The following DCC variants were observed in gnomAD, a reference collection of about 807,000 sequenced individuals.
DCC encodes DCC netrin 1 receptor.
Under a neutral mutation model 172.5 loss-of-function variants are expected in DCC, and 58 were observed. The observed-to-expected ratio is 0.34, with a 90% CI of 0.27 to 0.42. The LOEUF (loss-of-function observed/expected upper bound fraction) is 0.42, where lower values mean the gene tolerates loss of function less well. Among genes scored for constraint, DCC ranks in the 10% least tolerant of loss-of-function variants. The pLI is 1.00. For missense variants in DCC, 1,740 were observed against 1,791.0 expected, an observed-to-expected ratio of 0.97 and a Z score of 0.51; for synonymous variants, 709 against 644.5, an observed-to-expected ratio of 1.10 and a Z score of -1.52.
At chr18:52,409,213 T>C (rs573243768) in intron 1 of DCC, 7 of 152,256 alleles carry the variant, frequency 4.6e-5, no homozygotes, top group African/African-American at 1.2e-4. Flanking sequence ...AGGATATCAC[T>C]ACGTAAGAGC....
chr18:52,907,365 TATATATC>T (rs1314777364), intron 3 of DCC, among the ~76,000 whole-genome samples: 1 of 151,058 alleles, frequency 6.6e-6, no homozygotes, highest in Non-Finnish European at 1.5e-5. Context: ...ATATGAATGA[TATATATC>T]ATATATGCAT....
intron 1 of DCC, among the ~76,000 whole-genome samples, chr18:52,495,742 T>A (rs954525233): frequency 2.6e-5 from 4 of 151,292 alleles, no homozygotes; most frequent in African/African-American, 9.7e-5. Flanking sequence ...CTGCATTTTT[T>A]ATTTATTTTA....
chr18:53,453,904 T>C (rs1480057426), intron 23 of DCC, among the ~76,000 whole-genome samples: 1 of 152,228 alleles, frequency 6.6e-6, no homozygotes. Context: ...GGAATACTTC[T>C]AATTTATAGA....
chr18:52,597,155 A>G (rs948877540), intron 1 of DCC, among the ~76,000 whole-genome samples: 20 of 152,142 alleles, frequency 1.3e-4, no homozygotes, highest in Non-Finnish European at 2.6e-4. Context: ...TCCTAAAGTC[A>G]ATTTGCAGAA....
At chr18:53,035,342 A>T (rs183692803) in intron 5 of DCC, among the ~76,000 whole-genome samples, 1 of 152,066 alleles carries the variant, frequency 6.6e-6, no homozygotes, top group Non-Finnish European at 1.5e-5. Context: ...AATTTCTTTT[A>T]TTTTCTGTTG....
At chr18:52,894,402 C>T (rs1034828858) in intron 2 of DCC, among the ~76,000 whole-genome samples, 16 of 146,916 alleles carry the variant, frequency 1.1e-4, no homozygotes, top group Admixed American at 6.8e-5. Flanking sequence ...CACATACACA[C>T]ACACACACAC....
At position 53,018,004 on chromosome 18, in the gene DCC, T is replaced by C. The variant is rs375698039; in HGVS notation, c.986-45301T>C. Among the ~76,000 whole-genome samples the C allele has an allele frequency of 3.2e-4, 48 of 152,236 alleles. 1 individual carries two copies. The South Asian group carries it at 9.7e-3, about 31-fold the overall frequency. Reference sequence around the variant, plus strand: ...CAACACAATCTGCATTCCACTGACATGTACATAATCTTGTCTTGATCTTTG... The same window carrying C: ...CAACACAATCTGCATTCCACTGACACGTACATAATCTTGTCTTGATCTTTG... On this transcript the variant is annotated intron_variant, in intron 5 of 28. Coordinates refer to ENST00000442544, the MANE Select transcript of DCC (RefSeq NM_005215.4).
chr18:52,698,718 C>T (rs1211178630), intron 1 of DCC, among the ~76,000 whole-genome samples: 8 of 151,988 alleles, frequency 5.3e-5, no homozygotes. Flanking sequence ...CCTGCCTCAG[C>T]CTCCCGAGTA....
intron 5 of DCC, among the ~76,000 whole-genome samples, chr18:53,049,790 C>A (rs1262764754): frequency 6.6e-6 from 1 of 151,972 alleles, no homozygotes; most frequent in East Asian, 1.9e-4. Flanking sequence ...GCGCAATGTA[C>A]TAGTCAGGGT....
chr18:53,512,144 A>G (rs984289811), intron 27 of DCC, among the ~76,000 whole-genome samples: 7 of 151,970 alleles, frequency 4.6e-5, no homozygotes, highest in South Asian at 2.1e-4. Context: ...CCTCAAGTGG[A>G]TCCCTGACCC....
chr18:53,222,852 A>C (rs1045029502), intron 12 of DCC, among the ~76,000 whole-genome samples: 1 of 152,180 alleles, frequency 6.6e-6, no homozygotes, highest in Admixed American at 6.5e-5. Flanking sequence ...ACAGCCTTTA[A>C]AACTCTGTCA....
chr18:52,355,489 T>C (rs1984321662), intron 1 of DCC, among the ~76,000 whole-genome samples: 2 of 152,192 alleles, frequency 1.3e-5, no homozygotes. Context: ...GGAAAGCCAT[T>C]GCTGAATGGA....
At position 53,175,046 on chromosome 18, in the gene DCC, C is replaced by T. The variant is rs1479997810; in HGVS notation, c.1419-3916C>T. 2.0e-5 allele frequency among the ~76,000 whole-genome samples: 3 copies of T among 151,528 alleles called. No individual in the cohort carries two copies. The East Asian group carries it at 5.8e-4, about 30-fold the overall frequency. ...TATACGCAAATCAATAAATGTAATC[C>T]AGCATATAAACAGAGCCAAAGACAA... On this transcript the variant is annotated intron_variant, in intron 8 of 28. Coordinates refer to ENST00000442544, the MANE Select transcript of DCC (RefSeq NM_005215.4).
At chr18:53,278,559 C>T (rs1390832781) in intron 12 of DCC, among the ~76,000 whole-genome samples, 1 of 152,098 alleles carries the variant, frequency 6.6e-6, no homozygotes, top group East Asian at 1.9e-4. Context: ...TTTCCCTCTG[C>T]TCCCTCTCCT....
intron 7 of DCC, among the ~76,000 whole-genome samples, chr18:53,095,605 C>T (rs777100914): frequency 2.0e-5 from 3 of 152,130 alleles, no homozygotes; most frequent in East Asian, 1.9e-4. Flanking sequence ...CCTTCAAACT[C>T]CTGCTCCTCC....
rs575912361 is a variant in DCC, at chr18:52,702,161, C to T, written c.92-49893C>T. Among the ~76,000 whole-genome samples the T allele has an allele frequency of 3.9e-4, 59 of 152,196 alleles. 1 individual carries two copies. The highest frequency in any genetic ancestry group is 1.4e-3 in the African/African-American group (57 of 41,522). ...TACAAATATGAAATGTTTCTTTCTG[C>T]GAAACTGGATTCTTCAGCCTCTTTT... On this transcript the variant is annotated intron_variant, in intron 1 of 28. Coordinates refer to ENST00000442544, the MANE Select transcript of DCC (RefSeq NM_005215.4).
chr18:53,054,899 T>G (rs374863200), intron 5 of DCC, among the ~76,000 whole-genome samples: 270 of 152,272 alleles, frequency 1.8e-3, no homozygotes, highest in African/African-American at 6.2e-3. Flanking sequence ...ATTAAAATAT[T>G]GTCATTGCCA....
chr18:53,193,051 A>G (rs919323179), intron 9 of DCC, among the ~76,000 whole-genome samples: 7 of 152,130 alleles, frequency 4.6e-5, no homozygotes, highest in Non-Finnish European at 1.0e-4. Context: ...CCATTATTCT[A>G]ATTCAAGCTG....
intron 5 of DCC, among the ~76,000 whole-genome samples, chr18:52,980,025 C>G (rs1225389735): frequency 6.6e-6 from 1 of 151,856 alleles, no homozygotes; most frequent in Non-Finnish European, 1.5e-5. Flanking sequence ...ATAGGCACGG[C>G]TTTCGTGTTC....
Sources: gnomAD v4.1 joint callset for allele counts (sites outside exome capture counted in the v4.1 genomes callset) on GRCh38, gnomAD v4.1.1 for gene constraint, MANE v1.5 for transcripts, NCBI Gene and HGNC (gene_info 2026-07-23, HGNC 2026-07-21) for gene names.